TBC1D12: variants seen among roughly 807,000 people sequenced by gnomAD.
The protein encoded by TBC1D12 is TBC1 domain family, member 12.
Under a neutral mutation model 86.7 loss-of-function variants are expected in TBC1D12, and 56 were observed. The ratio of observed to expected loss-of-function variants is 0.65; its 90% CI spans 0.52 to 0.81. TBC1D12 has a LOEUF of 0.81. Ranked by LOEUF, TBC1D12 falls within the 30% of genes least tolerant of loss-of-function variation. The pLI is 0.00. For missense variants in TBC1D12, 1,023 were observed against 1,038.8 expected (o/e 0.98, Z 0.21); for synonymous variants, 421 against 411.7 (o/e 1.02, Z -0.27).
chr10:94,417,869 C>G (rs889415795), intron 1 of TBC1D12, among the ~76,000 whole-genome samples: 1 of 120,750 alleles, frequency 8.3e-6, no homozygotes, highest in South Asian at 3.2e-4. Flanking sequence ...CTGCCTCACG[C>G]CTCCCGAGTA....
chr10:94,469,932 T>G (rs1003566926), intron 2 of TBC1D12, among the ~76,000 whole-genome samples: 1 of 152,184 alleles, frequency 6.6e-6, no homozygotes, highest in African/African-American at 2.4e-5. Flanking sequence ...TTGTTCCCCC[T>G]TTGTCAGGGA....
At chr10:94,452,541 A>C (rs2055566213) in intron 2 of TBC1D12, among the ~76,000 whole-genome samples, 1 of 152,148 alleles carries the variant, frequency 6.6e-6, no homozygotes, top group Admixed American at 6.5e-5. Flanking sequence ...GACAGTACTT[A>C]GCTGTTTCAG....
At chr10:94,426,330 A>T (rs1443330766) in intron 1 of TBC1D12, among the ~76,000 whole-genome samples, 2 of 152,108 alleles carry the variant, frequency 1.3e-5, no homozygotes, top group Non-Finnish European at 2.9e-5. Flanking sequence ...GTTTTGGTAG[A>T]TGCCTTTAAT....
intron 3 of TBC1D12, among the ~76,000 whole-genome samples, chr10:94,491,696 C>T (rs1039601560): frequency 3.3e-5 from 5 of 152,162 alleles, no homozygotes; most frequent in African/African-American, 9.7e-5. Context: ...TTCAGTTTAT[C>T]TGCACTATAT....
chr10:94,468,606 CT>C (rs1292388686), intron 2 of TBC1D12, among the ~76,000 whole-genome samples: 1 of 151,932 alleles, frequency 6.6e-6, no homozygotes, highest in Non-Finnish European at 1.5e-5. Flanking sequence ...TTTCTGGCTG[CT>C]TTTAAAATAT....
At chr10:94,487,694 CTTTTTTT>C (rs35682157) in intron 3 of TBC1D12, among the ~76,000 whole-genome samples, 6 of 127,334 alleles carry the variant, frequency 4.7e-5, no homozygotes, top group African/African-American at 5.8e-5. Context: ...TGTTGTTTCT[CTTTTTTT>C]TTTTTTTTTT....
At chr10:94,448,760 T>C (rs1010945380) in intron 2 of TBC1D12, among the ~76,000 whole-genome samples, 2 of 152,144 alleles carry the variant, frequency 1.3e-5, no homozygotes, top group Admixed American at 6.5e-5. Context: ...ATTACAGGCA[T>C]GTGCCACCAT....
chr10:94,459,648 G>T (rs1021249611), intron 2 of TBC1D12, among the ~76,000 whole-genome samples: 1 of 152,226 alleles, frequency 6.6e-6, no homozygotes, highest in African/African-American at 2.4e-5. Flanking sequence ...GCCCCGTGGG[G>T]AGGTGGCTGA....
intron 2 of TBC1D12, among the ~76,000 whole-genome samples, chr10:94,452,659 C>T (rs1326098519): frequency 1.3e-5 from 2 of 152,130 alleles, no homozygotes; most frequent in Non-Finnish European, 2.9e-5. Context: ...TGTCTGGGAA[C>T]ACCACAGTTT....
At chr10:94,461,354 G>C in intron 2 of TBC1D12, among the ~76,000 whole-genome samples, 1 of 152,142 alleles carries the variant, frequency 6.6e-6, no homozygotes, top group East Asian at 1.9e-4. Context: ...GAGGGAGCTG[G>C]AGTTGTGTAT....
intron 9 of TBC1D12, among the ~76,000 whole-genome samples, chr10:94,517,440 T>C (rs1318507413): frequency 6.6e-6 from 1 of 152,192 alleles, no homozygotes; most frequent in Non-Finnish European, 1.5e-5. Flanking sequence ...CTGAGAAAAA[T>C]TGGGGAAAAT....
intron 1 of TBC1D12, among the ~76,000 whole-genome samples, chr10:94,435,733 G>A (rs1258913646): frequency 2.6e-5 from 4 of 152,050 alleles, no homozygotes; most frequent in Non-Finnish European, 4.4e-5. Context: ...ATGCTTTTGG[G>A]ACTGATTTTT....
chr10:94,466,812 A>G (rs753651482), intron 2 of TBC1D12, among the ~76,000 whole-genome samples: 7 of 152,188 alleles, frequency 4.6e-5, no homozygotes, highest in Non-Finnish European at 8.8e-5. Flanking sequence ...GATTTCACCA[A>G]TTTTTCTATT....
chr10:94,508,727 A>C (rs570068720), intron 7 of TBC1D12: 1 of 151,986 alleles, frequency 6.6e-6, no homozygotes. Context: ...TCTCTAGCGC[A>C]TATCAGCCAG....
At chr10:94,436,923 G>T (rs1402102776) in intron 1 of TBC1D12, among the ~76,000 whole-genome samples, 1 of 151,960 alleles carries the variant, frequency 6.6e-6, no homozygotes, top group Non-Finnish European at 1.5e-5. Context: ...GGCCAGGATG[G>T]TCTCTATCTC....
At chr10:94,408,982 A>C (rs1027479031) in intron 1 of TBC1D12, among the ~76,000 whole-genome samples, 1 of 152,212 alleles carries the variant, frequency 6.6e-6, no homozygotes, top group Non-Finnish European at 1.5e-5. Flanking sequence ...AACTGAAAAT[A>C]ATACGTAATT....
chr10:94,529,669 G>A (rs1564995112), intron 11 of TBC1D12, among the ~76,000 whole-genome samples: 1 of 152,054 alleles, frequency 6.6e-6, no homozygotes, highest in Non-Finnish European at 1.5e-5. Flanking sequence ...AAGAGCATTA[G>A]AGTTACTCAG....
chr10:94,404,620 TG>T (rs1314013634), intron 1 of TBC1D12, among the ~76,000 whole-genome samples: 12 of 145,380 alleles, frequency 8.3e-5, no homozygotes, highest in African/African-American at 2.6e-5. Flanking sequence ...CACTCCAGCC[TG>T]GGGGACAAGA....
At chr10:94,435,410 A>G (rs965955063) in intron 1 of TBC1D12, among the ~76,000 whole-genome samples, 1 of 152,220 alleles carries the variant, frequency 6.6e-6, no homozygotes, top group Non-Finnish European at 1.5e-5. Flanking sequence ...ACAGTGGTCA[A>G]TACATTACAA....
Sources: allele counts gnomAD v4.1 joint callset (sites outside exome capture counted in the v4.1 genomes callset), GRCh38; gene constraint gnomAD v4.1.1; transcripts MANE v1.5; gene names NCBI Gene and HGNC (gene_info 2026-07-23, HGNC 2026-07-21).